The following THSD4 variants were observed in gnomAD, a reference collection of about 807,000 sequenced individuals.
The protein encoded by THSD4 is thrombospondin type 1 domain containing 4.
A neutral mutation model predicts 119.0 loss-of-function variants in THSD4; 69 were observed. The observed-to-expected ratio is 0.58, with a 90% confidence interval of 0.48 to 0.71. The LOEUF is 0.71. Ranked by LOEUF, THSD4 falls within the 30% of genes least tolerant of loss-of-function variation. The pLI, the probability that THSD4 is intolerant of heterozygous loss-of-function variation, is 0.00. For synonymous variants in THSD4, 524 were observed against 540.4 expected, an observed-to-expected ratio of 0.97 and a Z score of 0.42; for missense variants, 1,393 against 1,391.1, an observed-to-expected ratio of 1.00 and a Z score of -0.02.
intron 15 of THSD4, among the ~76,000 whole-genome samples, chr15:71,760,799 C>T (rs2053615969): frequency 1.3e-5 from 2 of 152,190 alleles, no homozygotes. Flanking sequence ...ATTGCCATCA[C>T]TTCTCACTGA....
rs377159901 is a variant in THSD4, at chr15:71,748,455, G to A, written c.2276G>A (p.Arg759His). 24 of 1,614,078 alleles carry A rather than the reference G, an allele frequency of 1.5e-5. No individual in the cohort carries two copies. Among genetic ancestry groups the A allele is most frequent in the Non-Finnish European group, 1.7e-5 (20 of 1,180,050 alleles). The part of the protein sequence containing the change: ...SVPCGVGQRT[R>H]DVKCVSNIGD... The stretch of plus-strand genomic sequence containing the variant: ...CCCTGCGGCGTGGGACAGAGGACCC[G>A]TGATGTGAAGTGTGTGAGCAACATT... The change falls in exon 14 of 18, where the codon CGT becomes CAT. Residue 759 changes from arginine (R) to histidine (H), a missense_variant. Coordinates refer to ENST00000261862, the MANE Select transcript of THSD4 (RefSeq NM_024817.3).
intron 7 of THSD4, among the ~76,000 whole-genome samples, chr15:71,610,054 C>A (rs2050195150): frequency 6.6e-6 from 1 of 152,084 alleles, no homozygotes; most frequent in African/African-American, 2.4e-5. Context: ...AAACTGTTTG[C>A]AGAGAGATTT....
chr15:71,520,426 G>A (rs1358101201), intron 7 of THSD4, among the ~76,000 whole-genome samples: 7 of 152,278 alleles, frequency 4.6e-5, no homozygotes, highest in Admixed American at 3.3e-4. Flanking sequence ...GAAGCTTCCC[G>A]TGGGGTGGGG....
At chr15:71,751,262 T>C (rs2053443801) in intron 14 of THSD4, among the ~76,000 whole-genome samples, 1 of 152,234 alleles carries the variant, frequency 6.6e-6, no homozygotes, top group Admixed American at 6.5e-5. Context: ...AAAAGAATGA[T>C]GCTGGACTTT....
chr15:71,134,591 CTG>C (rs1286186355), intron 1 of THSD4, among the ~76,000 whole-genome samples: 4 of 152,258 alleles, frequency 2.6e-5, no homozygotes, highest in African/African-American at 9.6e-5. Context: ...ATTTGTCCAA[CTG>C]TGATTGCATG....
intron 7 of THSD4, among the ~76,000 whole-genome samples, chr15:71,584,074 A>G (rs1049925172): frequency 2.0e-5 from 3 of 152,026 alleles, no homozygotes; most frequent in Admixed American, 6.6e-5. Context: ...GGGTGCTCCA[A>G]TGTTGGGTGT....
intron 7 of THSD4, among the ~76,000 whole-genome samples, chr15:71,647,886 T>G (rs1451299965): frequency 3.3e-5 from 5 of 152,136 alleles, no homozygotes; most frequent in Non-Finnish European, 7.4e-5. Flanking sequence ...TGGCCAGGCC[T>G]CGTGGGAGGG....
At chr15:71,494,859 T>G (rs893080577) in intron 7 of THSD4, among the ~76,000 whole-genome samples, 1 of 152,220 alleles carries the variant, frequency 6.6e-6, no homozygotes, top group Non-Finnish European at 1.5e-5. Context: ...CCTAAAGATA[T>G]GAAAACATTT....
chr15:71,695,455 T>G (rs2052143661), intron 8 of THSD4, among the ~76,000 whole-genome samples: 2 of 151,950 alleles, frequency 1.3e-5, no homozygotes. Flanking sequence ...CATTAGATTT[T>G]TTGTTAATAA....
At chr15:71,451,007 G>A (rs1015445391) in intron 7 of THSD4, among the ~76,000 whole-genome samples, 10 of 152,096 alleles carry the variant, frequency 6.6e-5, no homozygotes, top group Non-Finnish European at 7.4e-5. Context: ...GCGAAACACC[G>A]TCTCCACTAA....
chr15:71,109,046 C>T (rs544482353), intron 1 of THSD4, among the ~76,000 whole-genome samples: 13 of 152,242 alleles, frequency 8.5e-5, no homozygotes, highest in African/African-American at 3.1e-4. Context: ...AGAGAAAATA[C>T]TCTCTTCCAC....
intron 7 of THSD4, among the ~76,000 whole-genome samples, chr15:71,585,882 A>G (rs546886284): frequency 2.0e-5 from 3 of 152,120 alleles, no homozygotes; most frequent in South Asian, 2.1e-4. Context: ...GAAGCACTCT[A>G]TTGATTTTTT....
intron 7 of THSD4, among the ~76,000 whole-genome samples, chr15:71,655,684 A>G (rs2051176089): frequency 6.6e-6 from 1 of 152,184 alleles, no homozygotes; most frequent in Non-Finnish European, 1.5e-5. Context: ...GCTCATCAAA[A>G]TGTCCAAAGA....
intron 6 of THSD4, among the ~76,000 whole-genome samples, chr15:71,331,580 C>T (rs2045421708): frequency 6.6e-6 from 1 of 152,120 alleles, no homozygotes; most frequent in Admixed American, 6.5e-5. Context: ...CAGTCTGGCC[C>T]CCAGAGCATG....
intron 3 of THSD4, among the ~76,000 whole-genome samples, chr15:71,173,186 A>C (rs1432898239): frequency 1.3e-5 from 2 of 152,200 alleles, no homozygotes; most frequent in Admixed American, 1.3e-4. Flanking sequence ...AGCAGGATAC[A>C]AGGTCAACAT....
chr15:71,732,107 AC>A (rs2052990999), intron 10 of THSD4: 1 of 152,138 alleles, frequency 6.6e-6, no homozygotes, highest in Non-Finnish European at 1.5e-5. Context: ...CACTGGGCCC[AC>A]CCAAGTAATC....
At chr15:71,744,960 G>A (rs187199760) in intron 11 of THSD4, 146 bp from the exon 12 acceptor site, 1 of 980,096 alleles carries the variant, frequency 1.0e-6, no homozygotes, top group Non-Finnish European at 1.5e-6. Context: ...AATGAAGGGG[G>A]AGCGTAAGTG....
At chr15:71,604,036 C>T (rs1595778026) in intron 7 of THSD4, among the ~76,000 whole-genome samples, 1 of 152,264 alleles carries the variant, frequency 6.6e-6, no homozygotes, top group East Asian at 1.9e-4. Flanking sequence ...AAGTTGCTCT[C>T]CTTTTTAACT....
intron 7 of THSD4, among the ~76,000 whole-genome samples, chr15:71,563,415 T>C (rs2140884953): frequency 6.6e-6 from 1 of 152,226 alleles, no homozygotes; most frequent in South Asian, 2.1e-4. Context: ...AAATCACAAA[T>C]ATCATTGAAA....
Sources: gnomAD v4.1 joint callset for allele counts (sites outside exome capture counted in the v4.1 genomes callset) on GRCh38, gnomAD v4.1.1 for gene constraint, MANE v1.5 for transcripts, NCBI Gene and HGNC (gene_info 2026-07-23, HGNC 2026-07-21) for gene names.